Variants in BAIAP3 observed in about 807,000 individuals in gnomAD.
BAIAP3 encodes BAI1-associated protein 3.
BAIAP3 carries 180 observed loss-of-function variants against 149.7 expected under a neutral mutation model. The observed-to-expected ratio is 1.20, with a 90% CI of 1.07 to 1.36. The LOEUF (loss-of-function observed/expected upper bound fraction) is 1.36, where lower values mean the gene tolerates loss of function less well. BAIAP3 is among the 40% of genes most tolerant of loss of function. The probability of loss-of-function intolerance (pLI) is 0.00; values close to 1 mark genes in which losing one functional copy is unlikely to be tolerated. For synonymous variants in BAIAP3, 845 were observed against 670.7 expected, an observed-to-expected ratio of 1.26 and a Z score of -4.02; for missense variants, 1,767 against 1,563.4, an observed-to-expected ratio of 1.13 and a Z score of -2.20.
At position 1,348,165 on chromosome 16, in the gene BAIAP3, G is replaced by T; in HGVS notation, c.3219G>T (p.Trp1073Cys). The change falls in exon 33 of 34, where the codon TGG (tryptophan) becomes TGT (cysteine). Residue 1073 changes from tryptophan (W) to cysteine (C), a missense_variant. Physicochemically the swap from Trp to Cys is radical, Grantham distance 215 (BLOSUM62 -2). Transcript: ENST00000426824. ...CVLFTVMDHD[W>C]LSTNDFAGEA... Reference sequence around the variant, plus strand: ...TGTTCACCGTCATGGACCACGACTGGCTGTCCACCAACGACTTCGCTGGGG... The same window carrying T: ...TGTTCACCGTCATGGACCACGACTGTCTGTCCACCAACGACTTCGCTGGGG... 6.2e-7 allele frequency: 1 copy of T among 1,608,752 alleles called. No individual in the cohort carries two copies. The highest frequency in any genetic ancestry group is 8.5e-7 in the Non-Finnish European group (1 of 1,179,754).
intron 1 of BAIAP3, chr16:1,336,154 C>A: frequency 1.0e-6 from 1 of 959,394 alleles, no homozygotes; most frequent in Non-Finnish European, 1.2e-6. Context: ...CACGCACATG[C>A]CGCGGCGGTT....
In BAIAP3 at chr16:1,344,689, T is replaced by C; in HGVS notation, c.1748T>C (p.Leu583Pro). 1 of 1,613,660 alleles carries C rather than the reference T, an allele frequency of 6.2e-7. No homozygotes were observed. ...LQFCYSVYAS[L>P]FHSILNVDVF... ...TTCTGCTACAGTGTGTACGCCAGCC[T>C]CTTCCACAGGTGGGCCTGGCCCCTC... is the stretch of plus-strand genomic sequence containing the variant. Residue 583 changes from leucine (L) to proline (P), a missense_variant, in exon 19 of 34, where the codon CTC becomes CCC. By Grantham distance (98) the Leu-to-Pro change is moderately conservative (BLOSUM62 -3). Coordinates refer to ENST00000426824, the MANE Select transcript of BAIAP3 (RefSeq NM_001199097.2).
intron 28 of BAIAP3, 67 bp from the exon 29 acceptor site, chr16:1,347,231 G>C: frequency 6.7e-7 from 1 of 1,502,994 alleles, no homozygotes; most frequent in African/African-American, 1.4e-5. Context: ...CTTTGTGCTG[G>C]GGGTCTCTAC....
intron 2 of BAIAP3, 41 bp downstream of exon 2, chr16:1,338,721 A>G (rs2141569402): frequency 6.4e-7 from 1 of 1,559,274 alleles, no homozygotes; most frequent in South Asian, 1.2e-5. Flanking sequence ...CCACAGGGCC[A>G]TTTCCCGCCA....
chr16:1,338,504 A>G, intron 1 of BAIAP3, 36 bp from the exon 2 acceptor site: 1 of 1,260,742 alleles, frequency 7.9e-7, no homozygotes. Context: ...GGTTGAGTGG[A>G]CGACCTGAGG....
chr16:1,336,837 C>T (rs534770880), intron 1 of BAIAP3, among the ~76,000 whole-genome samples: 1 of 152,310 alleles, frequency 6.6e-6, no homozygotes, highest in South Asian at 2.1e-4. Flanking sequence ...TTTGCGAGGG[C>T]CAGTGTGCCC....
intron 26 of BAIAP3, 43 bp downstream of exon 26, chr16:1,346,553 G>C (rs376289713): frequency 1.9e-6 from 3 of 1,585,686 alleles, no homozygotes; most frequent in Non-Finnish European, 1.7e-6. Context: ...GTGTGTACTG[G>C]GGGTAGGGCA....
At chr16:1,337,006 G>A (rs1175214018) in intron 1 of BAIAP3, among the ~76,000 whole-genome samples, 2 of 152,214 alleles carry the variant, frequency 1.3e-5, no homozygotes, top group Admixed American at 6.5e-5. Flanking sequence ...TACCTCTCTT[G>A]TGGTGGGGCA....
chr16:1,338,452 C>CGGGGGGGGGGGGGGG lies in BAIAP3; in HGVS notation c.-10-87_-10-86insGGGGGGGGGGGGGGG. ...CCCAGGCCTCTGCCCCACCTCTTCC[C>CGGGGGGGGGGGGGGG]GCCCCACCCCCCCACCCCCCCGCCT... On this transcript the variant is annotated intron_variant, in intron 1 of 33. Coordinates refer to ENST00000426824, the MANE Select transcript of BAIAP3 (RefSeq NM_001199097.2). 6 of 211,092 alleles carry CGGGGGGGGGGGGGGG rather than the reference C, an allele frequency of 2.8e-5. 2 individuals carry two copies. Among genetic ancestry groups the CGGGGGGGGGGGGGGG allele is most frequent in the Non-Finnish European group, 6.0e-5 (6 of 99,436 alleles). 13.1% of individuals were successfully genotyped at this position (211,092 alleles called of 1,614,324 possible). A position where few individuals can be genotyped will look rare whatever the true frequency, so the allele number is the denominator to read the frequency against.
In BAIAP3 at chr16:1,343,452, T is replaced by C. The variant is rs2034077688; in HGVS notation, c.1325T>C (p.Leu442Pro). ...TGCACGCTGGACTACAGCTACCTGCTGGGGCTGCTGGAGGACATGCAGGCA... is the reference window on the plus strand; with the variant it reads ...TGCACGCTGGACTACAGCTACCTGCCGGGGCTGCTGGAGGACATGCAGGCA... The part of the protein sequence containing the change: ...QTCTLDYSYL[L>P]GLLEDMQAHW... The change falls in exon 15 of 34, where the codon CTG becomes CCG. Residue 442 changes from leucine (L) to proline (P), a missense_variant. By Grantham distance (98) the Leu-to-Pro change is moderately conservative. Coordinates refer to ENST00000426824, the MANE Select transcript of BAIAP3 (RefSeq NM_001199097.2). 1 of 1,593,872 alleles carries C rather than the reference T, an allele frequency of 6.3e-7. No individual in the cohort carries two copies. Among genetic ancestry groups the C allele is most frequent in the Admixed American group, 1.8e-5 (1 of 57,072 alleles).
At chr16:1,339,907 C>A (rs1227626408) in intron 5 of BAIAP3, among the ~76,000 whole-genome samples, 5 of 147,620 alleles carry the variant, frequency 3.4e-5, no homozygotes, top group African/African-American at 1.3e-4. Context: ...CACACAGACA[C>A]GCACACAGGC....
In BAIAP3 at chr16:1,338,777, G is replaced by A. The variant is rs1299488174; in HGVS notation, c.131+97G>A. 1.7e-5 allele frequency: 27 copies of A among 1,576,356 alleles called. No individual in the cohort carries two copies. The South Asian group carries it at 3.0e-4, about 17-fold the overall frequency. On this transcript the variant is annotated intron_variant, in intron 2 of 33. Transcript: ENST00000426824. ...CTGCCCCAGCACCCCTGGGCGGGAA[G>A]GAGGGTCTGCAGTTAGCTGTGCCAC... is the stretch of plus-strand genomic sequence containing the variant.
At chr16:1,348,068 G>T (rs1441935258) in intron 32 of BAIAP3, 28 bp from the exon 33 acceptor site, 3 of 1,474,802 alleles carry the variant, frequency 2.0e-6, no homozygotes, top group Non-Finnish European at 2.7e-6. Context: ...CTGCCGGAGC[G>T]AGACTCCCGA....
At position 1,338,693 on chromosome 16, in the gene BAIAP3, G is replaced by T. The variant is rs2033643633; in HGVS notation, c.131+13G>T. On this transcript the variant is annotated intron_variant, in intron 2 of 33. Transcript: ENST00000426824. The stretch of plus-strand genomic sequence containing the variant: ...CCACGGGGGCCTGGTGGGTGCCGAG[G>T]GGCCCAGCCCCACACGCCCACAGGG... The T allele has an allele frequency of 3.2e-6, 5 of 1,571,104 alleles. No homozygotes were observed. The Admixed American group carries it at 7.5e-5, about 24-fold the overall frequency.
Position 1,342,578 on chromosome 16 carries a change from A to G in BAIAP3, c.1009A>G (p.Ser337Gly), listed in dbSNP as rs1182052189. The change falls in exon 12 of 34, where the codon AGT (serine) becomes GGT (glycine). Residue 337 changes from serine (S) to glycine (G), a missense_variant. Transcript: ENST00000426824. ...DRWFKLEPRSSASRVQGHCHL... is the reference protein window; with the variant it reads ...DRWFKLEPRSGASRVQGHCHL... ...CTGGTTCAAGCTGGAGCCACGCTCCAGTGCCTCGCGTGTGCAGGGACACTG... is the reference window on the plus strand; with the variant it reads ...CTGGTTCAAGCTGGAGCCACGCTCCGGTGCCTCGCGTGTGCAGGGACACTG... The G allele has an allele frequency of 2.6e-6, 4 of 1,561,904 alleles. No individual in the cohort carries two copies. The Admixed American group carries it at 5.8e-5, about 23-fold the overall frequency.
rs769332580 is a variant in BAIAP3 at position 1,346,436 on chromosome 16, C to A, written c.2494-6C>A. The stretch of plus-strand genomic sequence containing the variant: ...TGCCCGTGCTGAGCACTGCTCCTGC[C>A]CTCAGATGGTGGGCGACATCCGCAA... On this transcript the variant is annotated splice_polypyrimidine_tract_variant and splice_region_variant and intron_variant, in intron 25 of 33. Transcript: ENST00000426824. 5 of 1,612,320 alleles carry A rather than the reference C, an allele frequency of 3.1e-6. No individual in the cohort carries two copies. The highest frequency in any genetic ancestry group is 4.2e-6 in the Non-Finnish European group (5 of 1,179,706).
At chr16:1,339,307 A>G in intron 4 of BAIAP3, 63 bp downstream of exon 4, 2 of 1,538,212 alleles carry the variant, frequency 1.3e-6, no homozygotes, top group East Asian at 2.4e-5. Flanking sequence ...AGCCGTTTAG[A>G]GGCACCTACT....
chr16:1,336,674 C>T (rs2033475948), intron 1 of BAIAP3, among the ~76,000 whole-genome samples: 1 of 152,228 alleles, frequency 6.6e-6, no homozygotes, highest in African/African-American at 2.4e-5. Flanking sequence ...ATGGTGTGCT[C>T]AGGCCCCCAC....
At chr16:1,339,444 A>AGGGCTGGG in intron 4 of BAIAP3, 52 bp from the exon 5 acceptor site, 1 of 1,554,412 alleles carries the variant, frequency 6.4e-7, no homozygotes, top group Non-Finnish European at 8.8e-7. Flanking sequence ...GGTGCTGCTG[A>AGGGCTGGG]GGGCTGGGGG....
Sources: gnomAD v4.1 joint callset for allele counts (sites outside exome capture counted in the v4.1 genomes callset) on GRCh38, gnomAD v4.1.1 for gene constraint, MANE v1.5 for transcripts, NCBI Gene and HGNC (gene_info 2026-07-23, HGNC 2026-07-21) for gene names.